Variants in PHACTR3 observed in about 807,000 individuals in gnomAD.
The protein encoded by PHACTR3 is phosphatase and actin regulator 3, also known as protein phosphatase 1, regulatory subunit 123.
PHACTR3 carries 16 observed loss-of-function variants against 66.8 expected under a neutral mutation model. The observed-to-expected ratio is 0.24, with a 90% confidence interval of 0.16 to 0.36. The LOEUF (loss-of-function observed/expected upper bound fraction) is 0.36, where lower values mean the gene tolerates loss of function less well. PHACTR3 is among the 10% of genes least tolerant of loss of function. PHACTR3 has a pLI of 1.00. For synonymous variants in PHACTR3, 323 were observed against 292.1 expected (o/e 1.11, Z -1.08); for missense variants, 647 against 719.9 (o/e 0.90, Z 1.16).
At chr20:59,687,355 G>A (rs1045538320) in intron 1 of PHACTR3, among the ~76,000 whole-genome samples, 4 of 152,120 alleles carry the variant, frequency 2.6e-5, no homozygotes, top group African/African-American at 9.7e-5. Flanking sequence ...TTGTTACCTT[G>A]TAGTAGATTT....
At chr20:59,661,727 C>T (rs528582729) in intron 1 of PHACTR3, among the ~76,000 whole-genome samples, 1 of 151,162 alleles carries the variant, frequency 6.6e-6, no homozygotes, top group African/African-American at 2.4e-5. Flanking sequence ...GTGGTCTTGG[C>T]TCCTTGGACT....
At chr20:59,592,359 C>T (rs955295429) in intron 1 of PHACTR3, among the ~76,000 whole-genome samples, 4 of 152,266 alleles carry the variant, frequency 2.6e-5, no homozygotes, top group East Asian at 1.9e-4. Context: ...ATTCCATAGA[C>T]CCCCGTCCCA....
chr20:59,673,911 C>T (rs1294461878), intron 1 of PHACTR3, among the ~76,000 whole-genome samples: 1 of 152,174 alleles, frequency 6.6e-6, no homozygotes, highest in Non-Finnish European at 1.5e-5. Context: ...AAGAGCCTGA[C>T]AGGAAGGCCG....
At chr20:59,768,713 C>A (rs1306635667) in intron 5 of PHACTR3, among the ~76,000 whole-genome samples, 3 of 152,330 alleles carry the variant, frequency 2.0e-5, no homozygotes, top group Admixed American at 6.5e-5. Context: ...TTTCTGGGGA[C>A]CTTACTGCCC....
chr20:59,639,591 C>T (rs1224888340), intron 1 of PHACTR3, among the ~76,000 whole-genome samples: 5 of 152,270 alleles, frequency 3.3e-5, no homozygotes, highest in Non-Finnish European at 5.9e-5. Flanking sequence ...TTTTGGGAGG[C>T]AGGCACAAAG....
chr20:59,792,911 G>T (rs1030994359), intron 7 of PHACTR3, among the ~76,000 whole-genome samples: 3 of 152,034 alleles, frequency 2.0e-5, no homozygotes, highest in Non-Finnish European at 4.4e-5. Flanking sequence ...TAGAGACAGG[G>T]TCTCACTCTG....
Position 59,836,538 on chromosome 20 carries a change from G to A in PHACTR3, c.1362G>A (p.Leu454=), listed in dbSNP as rs1395272231. Reference sequence around the variant, plus strand: ...GCCAAAGACCTGCCGTGGAAGAGCTGGAGAGAAGAAATATCTTGAAACGTG... The same window carrying A: ...GCCAAAGACCTGCCGTGGAAGAGCTAGAGAGAAGAAATATCTTGAAACGTG... The part of the protein sequence containing the change: ...RLSQRPAVEE[L]ERRNILKQRN... Residue 454 remains leucine, a synonymous_variant, in exon 9 of 13, where the codon CTG becomes CTA. Coordinates refer to ENST00000371015, the MANE Select transcript of PHACTR3 (RefSeq NM_080672.5). 1 of 1,611,644 alleles carries A rather than the reference G, an allele frequency of 6.2e-7. No individual in the cohort carries two copies. Among genetic ancestry groups the A allele is most frequent in the Non-Finnish European group, 8.5e-7 (1 of 1,179,224 alleles).
chr20:59,781,809 G>T (rs138722279), intron 7 of PHACTR3, among the ~76,000 whole-genome samples: 19 of 152,230 alleles, frequency 1.2e-4, no homozygotes, highest in African/African-American at 4.6e-4. Flanking sequence ...GCCCTAGGAA[G>T]TATATTTCAG....
chr20:59,804,008 C>A (rs1038915485), intron 7 of PHACTR3, among the ~76,000 whole-genome samples: 3 of 152,180 alleles, frequency 2.0e-5, no homozygotes, highest in Non-Finnish European at 4.4e-5. Flanking sequence ...AAGGCATGCT[C>A]ATTTAGATTA....
chr20:59,824,639 A>T (rs1202191947), intron 8 of PHACTR3, among the ~76,000 whole-genome samples: 1 of 152,144 alleles, frequency 6.6e-6, no homozygotes, highest in African/African-American at 2.4e-5. Flanking sequence ...GTGTGTCTGT[A>T]AGAGGCCCAT....
chr20:59,790,438 G>T (rs538394051), intron 7 of PHACTR3, among the ~76,000 whole-genome samples: 2 of 152,228 alleles, frequency 1.3e-5, no homozygotes, highest in Admixed American at 1.3e-4. Flanking sequence ...TAGGGATCAA[G>T]CTGATGGAAA....
At position 59,605,002 on chromosome 20, in the gene PHACTR3, G is replaced by C. The variant is rs1293874038; in HGVS notation, c.-13G>C. The C allele has an allele frequency of 5.4e-6, 7 of 1,290,278 alleles. No individual in the cohort carries two copies. Among genetic ancestry groups the C allele is most frequent in the Non-Finnish European group, 5.9e-6 (6 of 1,011,922 alleles). The allele number at this position is 1,290,278 out of a possible 1,614,324, so 79.9% of individuals were successfully genotyped here. A position where few individuals can be genotyped will look rare whatever the true frequency, so the allele number is the denominator to read the frequency against. On this transcript the variant is annotated 5_prime_UTR_variant, in exon 1 of 13. Coordinates refer to ENST00000371015, the MANE Select transcript of PHACTR3 (RefSeq NM_080672.5). ...GCGGCTCGCTCTAACTTGCCCCCGC[G>C]CCGGCCGGGCCCATGGCCGCGTCGG... is the stretch of plus-strand genomic sequence containing the variant.
chr20:59,648,102 A>C (rs928223175), intron 1 of PHACTR3, among the ~76,000 whole-genome samples: 4 of 152,192 alleles, frequency 2.6e-5, no homozygotes, highest in African/African-American at 9.7e-5. Flanking sequence ...CTTCACCATC[A>C]AAGGTATTTA....
intron 1 of PHACTR3, among the ~76,000 whole-genome samples, chr20:59,578,798 C>T (rs994883216): frequency 6.6e-6 from 1 of 152,170 alleles, no homozygotes; most frequent in Non-Finnish European, 1.5e-5. Context: ...CACTTGAGAG[C>T]CCGCTATCTG....
In PHACTR3 at chr20:59,830,495, A is replaced by AGAGGGTGTGAGCATCCGTCTGATGGAG. The variant is rs1491331203; in HGVS notation, c.1329-6005_1329-5979dup. On this transcript the variant is annotated intron_variant, in intron 8 of 12. Coordinates refer to ENST00000371015, the MANE Select transcript of PHACTR3 (RefSeq NM_080672.5). This position sits in a 1 kb window ranked among gnomAD's most constrained non-coding sequence, Gnocchi z 5.8. The stretch of plus-strand genomic sequence containing the variant: ...GAGGTGTGAATGAGCAGATGTTGAA[A>AGAGGGTGTGAGCATCCGTCTGATGGAG]GAGGGTGTGAGCATCCGTCTGATGG... 2.0e-5 allele frequency among the ~76,000 whole-genome samples: 3 copies of AGAGGGTGTGAGCATCCGTCTGATGGAG among 151,992 alleles called. No homozygotes were observed. Among genetic ancestry groups the AGAGGGTGTGAGCATCCGTCTGATGGAG allele is most frequent in the Non-Finnish European group, 4.4e-5 (3 of 67,984 alleles).
chr20:59,632,597 TC>T (rs966357816), intron 1 of PHACTR3, among the ~76,000 whole-genome samples: 5 of 152,188 alleles, frequency 3.3e-5, no homozygotes, highest in African/African-American at 1.2e-4. Flanking sequence ...ATTATTTGCA[TC>T]CCTGGATCCA....
chr20:59,838,800 C>A (rs1381887778), intron 9 of PHACTR3, among the ~76,000 whole-genome samples: 1 of 152,106 alleles, frequency 6.6e-6, no homozygotes, highest in Admixed American at 6.5e-5. Context: ...TTATGGGTCC[C>A]TTGCTTTGTA....
intron 4 of PHACTR3, among the ~76,000 whole-genome samples, chr20:59,756,095 A>C (rs1326192735): frequency 6.6e-6 from 1 of 152,108 alleles, no homozygotes; most frequent in African/African-American, 2.4e-5. Context: ...TGAATAGACC[A>C]GGGCGCTTCC....
intron 7 of PHACTR3, among the ~76,000 whole-genome samples, chr20:59,791,800 T>C (rs1314005056): frequency 1.4e-5 from 2 of 144,570 alleles, no homozygotes; most frequent in African/African-American, 5.1e-5. Context: ...TGTGTTCTCA[T>C]TGTTTCATAC....
Sources: allele counts gnomAD v4.1 joint callset (sites outside exome capture counted in the v4.1 genomes callset), GRCh38; gene constraint gnomAD v4.1.1; non-coding constraint Gnocchi (gnomAD v3.1); transcripts MANE v1.5; gene names NCBI Gene and HGNC (gene_info 2026-07-23, HGNC 2026-07-21).